The following GKAP1 variants were observed in gnomAD, a reference collection of about 807,000 sequenced individuals.
GKAP1 encodes the protein G kinase-anchoring protein 1.
Under a neutral mutation model 56.7 loss-of-function variants are expected in GKAP1, and 31 were observed. The observed-to-expected ratio is 0.55, with a 90% CI of 0.41 to 0.74. The LOEUF is 0.74. GKAP1 is among the 30% of genes least tolerant of loss of function. The probability of loss-of-function intolerance (pLI) is 0.00; values close to 1 mark genes in which losing one functional copy is unlikely to be tolerated. For synonymous variants in GKAP1, 151 were observed against 138.6 expected, an observed-to-expected ratio of 1.09 and a Z score of -0.63; for missense variants, 364 against 402.3, an observed-to-expected ratio of 0.90 and a Z score of 0.82.
chr9:83,784,376 G>C (rs963928553), intron 6 of GKAP1, among the ~76,000 whole-genome samples: 9 of 152,170 alleles, frequency 5.9e-5, no homozygotes, highest in African/African-American at 1.9e-4. Flanking sequence ...AGGTGGGATT[G>C]GTTATAAAAG....
intron 8 of GKAP1, among the ~76,000 whole-genome samples, chr9:83,757,200 G>A (rs2378661): frequency 0.047 from 7,126 of 152,216 alleles, 367 homozygotes; most frequent in East Asian, 0.27. Flanking sequence ...GGAGGAGATG[G>A]CATGTGAAAT....
intron 12 of GKAP1, 109 bp downstream of exon 12, chr9:83,741,843 T>C: frequency 1.5e-6 from 1 of 646,344 alleles, no homozygotes. Context: ...TCAATATATT[T>C]AGTGAATAAA....
At chr9:83,776,870 A>T (rs1358922366) in intron 7 of GKAP1, among the ~76,000 whole-genome samples, 1 of 152,274 alleles carries the variant, frequency 6.6e-6, no homozygotes. Context: ...CTAGGGCCTA[A>T]AGTGAATAAA....
At chr9:83,789,957 C>A (rs1470377942) in intron 4 of GKAP1, among the ~76,000 whole-genome samples, 1 of 152,144 alleles carries the variant, frequency 6.6e-6, no homozygotes, top group Non-Finnish European at 1.5e-5. Context: ...ATAATTGTTT[C>A]TATTACTTAA....
chr9:83,777,083 A>G (rs891045030), intron 7 of GKAP1, among the ~76,000 whole-genome samples: 1 of 152,222 alleles, frequency 6.6e-6, no homozygotes, highest in African/African-American at 2.4e-5. Context: ...TCAGAAGCTT[A>G]TACTGTAAAA....
intron 5 of GKAP1, among the ~76,000 whole-genome samples, chr9:83,785,865 C>A (rs1387815842): frequency 6.6e-6 from 1 of 152,156 alleles, no homozygotes; most frequent in Non-Finnish European, 1.5e-5. Flanking sequence ...AATCTCCTTG[C>A]CTAGTACATG....
intron 8 of GKAP1, among the ~76,000 whole-genome samples, chr9:83,758,327 G>A (rs1943510580): frequency 6.6e-6 from 1 of 152,160 alleles, no homozygotes; most frequent in Admixed American, 6.6e-5. Flanking sequence ...TGTTGATTTG[G>A]CAGGATATAA....
At chr9:83,775,761 G>A (rs1943848189) in intron 7 of GKAP1, among the ~76,000 whole-genome samples, 1 of 150,220 alleles carries the variant, frequency 6.7e-6, no homozygotes, top group African/African-American at 2.5e-5. Context: ...TGTAATCCCA[G>A]CTACTCGGGA....
At chr9:83,774,807 T>G (rs1943828595) in intron 7 of GKAP1, among the ~76,000 whole-genome samples, 1 of 146,726 alleles carries the variant, frequency 6.8e-6, no homozygotes, top group Admixed American at 7.0e-5. Flanking sequence ...CCTCCCGGGT[T>G]CAGGCGATTC....
intron 2 of GKAP1, among the ~76,000 whole-genome samples, chr9:83,810,291 CATT>C (rs1416031639): frequency 3.9e-5 from 6 of 152,106 alleles, no homozygotes; most frequent in Non-Finnish European, 8.8e-5. Context: ...TCTAAGAAAT[CATT>C]ATTTAAAAGT....
chr9:83,776,306 T>C (rs1441358513), intron 7 of GKAP1, among the ~76,000 whole-genome samples: 1 of 152,174 alleles, frequency 6.6e-6, no homozygotes, highest in Non-Finnish European at 1.5e-5. Flanking sequence ...ATAGGTTGAA[T>C]CTTTAGGTAA....
At chr9:83,742,740 C>T (rs1179460013) in intron 10 of GKAP1, 140 bp from the exon 11 acceptor site, 3 of 508,226 alleles carry the variant, frequency 5.9e-6, no homozygotes, top group African/African-American at 5.7e-5. Context: ...CTTGACCTTG[C>T]ATAGCTCTTA....
At chr9:83,771,886 C>A (rs545342543) in intron 7 of GKAP1, among the ~76,000 whole-genome samples, 1 of 152,092 alleles carries the variant, frequency 6.6e-6, no homozygotes, top group African/African-American at 2.4e-5. Flanking sequence ...AATTATAATT[C>A]TAGCCAATGT....
intron 4 of GKAP1, among the ~76,000 whole-genome samples, chr9:83,789,588 G>C (rs911359627): frequency 3.6e-4 from 55 of 152,126 alleles, no homozygotes; most frequent in African/African-American, 1.2e-3. Context: ...CTTTAAATAA[G>C]TGCACTTCAT....
At chr9:83,790,743 CG>C (rs1309092060) in intron 4 of GKAP1, among the ~76,000 whole-genome samples, 1 of 151,778 alleles carries the variant, frequency 6.6e-6, no homozygotes, top group African/African-American at 2.4e-5. Context: ...AACCCAGAGG[CG>C]GAGGTTGCAG....
At chr9:83,809,993 T>G (rs1304468113) in intron 2 of GKAP1, among the ~76,000 whole-genome samples, 1 of 152,072 alleles carries the variant, frequency 6.6e-6, no homozygotes, top group Non-Finnish European at 1.5e-5. Flanking sequence ...ATTTTTTTTA[T>G]AGAGATGGGG....
At chr9:83,765,602 T>C (rs568885276) in intron 8 of GKAP1, among the ~76,000 whole-genome samples, 5 of 152,218 alleles carry the variant, frequency 3.3e-5, no homozygotes, top group African/African-American at 9.6e-5. Context: ...AGAGGCAGAG[T>C]TGCCCAACAC....
rs533017603 is a variant in GKAP1, at chr9:83,816,917, T to C, written c.-44+79A>G. 2.0e-5 allele frequency: 3 copies of C among 151,426 alleles called. No homozygotes were observed. In the South Asian group the frequency reaches 6.2e-4, roughly 31 times the overall value. 9.4% of individuals were successfully genotyped at this position (151,426 alleles called of 1,614,324 possible). The stretch of plus-strand genomic sequence containing the variant: ...AATTCGGTAAGGCTGTTCCAAACAA[T>C]AACAGAAAAAAAAATCACTTTTCAA... On this transcript the variant is annotated intron_variant, in intron 2 of 12. Transcript: ENST00000376371.
At chr9:83,773,409 T>C (rs1943797312) in intron 7 of GKAP1, among the ~76,000 whole-genome samples, 1 of 152,304 alleles carries the variant, frequency 6.6e-6, no homozygotes, top group East Asian at 1.9e-4. Flanking sequence ...GGGAATTTTC[T>C]GAGATTATGG....
Sources: gnomAD v4.1 joint callset for allele counts (sites outside exome capture counted in the v4.1 genomes callset) on GRCh38, gnomAD v4.1.1 for gene constraint, MANE v1.5 for transcripts, NCBI Gene and HGNC (gene_info 2026-07-23, HGNC 2026-07-21) for gene names.